The following TEX11 variants were observed in gnomAD, a reference collection of about 807,000 sequenced individuals.
TEX11 encodes the protein testis expressed 11.
Under a neutral mutation model 84.4 loss-of-function variants are expected in TEX11, and 7 were observed. The observed-to-expected ratio is 0.08, with a 90% CI of 0.05 to 0.16. TEX11 has a LOEUF of 0.16. TEX11 is among the 10% of genes least tolerant of loss of function. The pLI, the probability that TEX11 is intolerant of heterozygous loss-of-function variation, is 1.00. For synonymous variants in TEX11, 264 were observed against 222.8 expected (o/e 1.18, Z -1.64); for missense variants, 551 against 660.5 (o/e 0.83, Z 1.82).
intron 9 of TEX11, among the ~76,000 whole-genome samples, chrX:70,759,587 T>C (rs2090894055): frequency 9.0e-6 from 1 of 111,666 alleles, no homozygotes; most frequent in Admixed American, 9.5e-5. Context: ...AAATTCTCAA[T>C]AAACTAGGTA....
intron 13 of TEX11, among the ~76,000 whole-genome samples, chrX:70,715,264 ATG>A (rs2090486399): frequency 9.2e-6 from 1 of 109,269 alleles, no homozygotes; most frequent in Admixed American, 9.7e-5. Context: ...TCTGACAATT[ATG>A]TGTCTTGGAG....
At chrX:70,849,979 T>C (rs1434740887) in intron 7 of TEX11, among the ~76,000 whole-genome samples, 2 of 111,962 alleles carry the variant, frequency 1.8e-5, no homozygotes, top group African/African-American at 6.5e-5. Flanking sequence ...TGTATAATTC[T>C]TAGGATATTC....
chrX:70,528,652 C>T (rs977545267), downstream of TEX11, among the ~76,000 whole-genome samples: 8 of 110,879 alleles, frequency 7.2e-5, no homozygotes, highest in African/African-American at 2.0e-4. Flanking sequence ...AGAAACTGGG[C>T]AACAGATTCT....
intron 2 of TEX11, among the ~76,000 whole-genome samples, chrX:70,887,128 A>C (rs1301293930): frequency 9.0e-6 from 1 of 111,661 alleles, no homozygotes. Context: ...CCAGGTCTGT[A>C]TCCTTCCCTT....
intron 25 of TEX11, among the ~76,000 whole-genome samples, chrX:70,577,570 C>T (rs185583490): frequency 7.2e-5 from 8 of 110,351 alleles, no homozygotes; most frequent in South Asian, 3.9e-4. Context: ...AAAAAGATAC[C>T]GCTGAATAAA....
At chrX:70,784,733 C>T (rs1321418765) in intron 9 of TEX11, among the ~76,000 whole-genome samples, 1 of 111,425 alleles carries the variant, frequency 9.0e-6, no homozygotes, top group Non-Finnish European at 1.9e-5. Context: ...ACAATTGCTG[C>T]AAAGAGAATA....
intron 25 of TEX11, among the ~76,000 whole-genome samples, chrX:70,584,393 T>C (rs1164976178): frequency 8.9e-6 from 1 of 112,255 alleles, no homozygotes; most frequent in Non-Finnish European, 1.9e-5. Context: ...GTAAAGAGAT[T>C]AAATAAGTAA....
intron 13 of TEX11, among the ~76,000 whole-genome samples, chrX:70,701,035 T>G (rs943062499): frequency 9.0e-6 from 1 of 111,630 alleles, no homozygotes; most frequent in Non-Finnish European, 1.9e-5. Context: ...TCTTGTGGTT[T>G]AAGGAAAGAA....
At chrX:70,796,239 C>T (rs746941399) in intron 9 of TEX11, among the ~76,000 whole-genome samples, 13 of 111,474 alleles carry the variant, frequency 1.2e-4, no homozygotes, top group Non-Finnish European at 2.3e-4. Flanking sequence ...CTTAATAGTG[C>T]AACTGAACAA....
chrX:70,901,741 G>C (rs763509381), intron 2 of TEX11, among the ~76,000 whole-genome samples: 1 of 111,564 alleles, frequency 9.0e-6, no homozygotes, highest in African/African-American at 3.3e-5. Flanking sequence ...GTAATGGTCC[G>C]TGGCCCAGGG....
At chrX:70,756,150 T>A (rs1480369256) in intron 9 of TEX11, among the ~76,000 whole-genome samples, 2 of 112,808 alleles carry the variant, frequency 1.8e-5, no homozygotes, top group African/African-American at 3.2e-5. Flanking sequence ...CAGCAAGGCC[T>A]ACTGCCTTGC....
intron 16 of TEX11, among the ~76,000 whole-genome samples, chrX:70,653,164 T>C (rs1055604318): frequency 6.3e-5 from 7 of 111,738 alleles, no homozygotes. Flanking sequence ...ACCAAAACCA[T>C]ATCTATAAAA....
intron 4 of TEX11, among the ~76,000 whole-genome samples, chrX:70,861,624 G>A (rs757253269): frequency 1.8e-5 from 2 of 109,274 alleles, no homozygotes; most frequent in African/African-American, 3.3e-5. Flanking sequence ...GCGCCACCAC[G>A]CCCAGCTAAT....
intron 7 of TEX11, among the ~76,000 whole-genome samples, chrX:70,846,785 G>A (rs1338002172): frequency 1.8e-5 from 2 of 111,357 alleles, no homozygotes; most frequent in Non-Finnish European, 3.8e-5. Flanking sequence ...TTAGCCGGGC[G>A]TGGTGGCATG....
chrX:70,576,728 A>G (rs2088678870), intron 25 of TEX11, among the ~76,000 whole-genome samples: 1 of 112,763 alleles, frequency 8.9e-6, no homozygotes. Flanking sequence ...CAGACACAGT[A>G]TCTGTCCTTG....
chrX:70,693,805 T>C (rs759674083), intron 13 of TEX11, among the ~76,000 whole-genome samples: 1 of 111,739 alleles, frequency 8.9e-6, no homozygotes, highest in South Asian at 3.8e-4. Flanking sequence ...CTATGTGAGG[T>C]GATGGATATG....
At chrX:70,526,261 G>A (rs1191524003), downstream of TEX11, among the ~76,000 whole-genome samples, 1 of 112,084 alleles carries the variant, frequency 8.9e-6, no homozygotes, top group East Asian at 2.8e-4. Context: ...ATCCACTGGT[G>A]TTGGATTGAA....
intron 5 of TEX11, among the ~76,000 whole-genome samples, chrX:70,857,972 G>T (rs971917907): frequency 1.8e-5 from 2 of 110,933 alleles, no homozygotes; most frequent in African/African-American, 6.6e-5. Context: ...ATCAAACATC[G>T]TATGTTCTCA....
chrX:70,627,866 T>C lies in TEX11; in HGVS notation c.1608+1745A>G, dbSNP rs190613661. ...TTCTTATTGTTTAGAGAATAAAATGTATATATAATCTTGTCACAGCTATTT... is the reference window on the plus strand; with the variant it reads ...TTCTTATTGTTTAGAGAATAAAATGCATATATAATCTTGTCACAGCTATTT... On this transcript the variant is annotated intron_variant, in intron 18 of 29. Transcript: ENST00000374333. Among the ~76,000 whole-genome samples the C allele has an allele frequency of 1.2e-3, 131 of 111,725 alleles. 2 individuals are homozygous for C. Among genetic ancestry groups the C allele is most frequent in the Non-Finnish European group, 9.0e-4 (48 of 53,204 alleles).
Sources: allele counts gnomAD v4.1 joint callset (sites outside exome capture counted in the v4.1 genomes callset), GRCh38; gene constraint gnomAD v4.1.1; transcripts MANE v1.5; gene names NCBI Gene and HGNC (gene_info 2026-07-23, HGNC 2026-07-21).